The following TRIM71 variants were observed in gnomAD, a reference collection of about 807,000 sequenced individuals.
TRIM71 encodes E3 ubiquitin-protein ligase TRIM71.
A neutral mutation model predicts 61.2 loss-of-function variants in TRIM71; 9 were observed. The ratio of observed to expected loss-of-function variants is 0.15; its 90% CI spans 0.09 to 0.26. The LOEUF is 0.26. Ranked by LOEUF, TRIM71 falls within the 10% of genes least tolerant of loss-of-function variation. The pLI is 1.00. For synonymous variants in TRIM71, 645 were observed against 553.2 expected, an observed-to-expected ratio of 1.17 and a Z score of -2.33; for missense variants, 998 against 1,238.7, an observed-to-expected ratio of 0.81 and a Z score of 2.92.
chr3:32,822,509 C>T (rs1375901333), intron 1 of TRIM71, among the ~76,000 whole-genome samples: 1 of 152,110 alleles, frequency 6.6e-6, no homozygotes, highest in Non-Finnish European at 1.5e-5. Context: ...CTAAAATAAT[C>T]GGTTGCTGTG....
intron 1 of TRIM71, among the ~76,000 whole-genome samples, chr3:32,821,643 C>A (rs1013646495): frequency 3.3e-5 from 5 of 152,166 alleles, no homozygotes; most frequent in South Asian, 2.1e-4. Context: ...GGGCTTTTCA[C>A]TAGTTCTGTG....
chr3:32,878,670 A>G (rs993968025), intron 2 of TRIM71, among the ~76,000 whole-genome samples: 1 of 152,270 alleles, frequency 6.6e-6, no homozygotes. Context: ...AAACCATGCT[A>G]CAAACAGACA....
In TRIM71 at chr3:32,864,892, G is replaced by GTC. The variant is rs1238840438; in HGVS notation, c.853-8925_853-8924insCT. Among the ~76,000 whole-genome samples the GTC allele has an allele frequency of 5.0e-5, 7 of 140,584 alleles. No homozygotes were observed. In the East Asian group the frequency reaches 1.3e-3, roughly 26 times the overall value. The allele number at this position is 140,584 out of a possible 152,430, so 92.2% of individuals were successfully genotyped here. A position where few individuals can be genotyped will look rare whatever the true frequency, so the allele number is the denominator to read the frequency against. ...TGTGTGTGTGTGTGTGTGTGTGTGT[G>GTC]TTCACAAAGGTCTGGAGAAGTGCTA... On this transcript the variant is annotated intron_variant, in intron 1 of 3. Coordinates refer to ENST00000383763, the MANE Select transcript of TRIM71 (RefSeq NM_001039111.3).
rs1696093469 is a variant in TRIM71 at position 32,818,785 on chromosome 3, C to G, written c.705C>G (p.Asp235Glu). ...ACCAGCGCGTGCGCCTCACCAAGGA[C>G]CACTACATCGAGCGCGGCCCGCCGG... The part of the protein sequence containing the change: ...RAHQRVRLTK[D>E]HYIERGPPGP... Residue 235 changes from aspartate (D) to glutamate (E), a missense_variant, in exon 1 of 4, where the codon GAC becomes GAG. By Grantham distance (45) the Asp-to-Glu change is conservative (BLOSUM62 2). Coordinates refer to ENST00000383763, the MANE Select transcript of TRIM71 (RefSeq NM_001039111.3). 1.2e-6 allele frequency: 2 copies of G among 1,608,440 alleles called. No homozygotes were observed. The highest frequency in any genetic ancestry group is 1.7e-6 in the Non-Finnish European group (2 of 1,178,364).
chr3:32,873,900 T>C lies in TRIM71; in HGVS notation c.935T>C (p.Ile312Thr). Residue 312 changes from isoleucine to threonine, a missense_variant, in exon 2 of 4, where the codon ATC becomes ACC. Ile to Thr is a moderately conservative substitution (Grantham distance 89). This residue lies in a region of TRIM71 where 291 missense variants were observed against 431.2 expected (regional missense o/e 0.67). Coordinates refer to ENST00000383763, the MANE Select transcript of TRIM71 (RefSeq NM_001039111.3). Reference sequence around the variant, plus strand: ...GGCCGGCATGGGGGCCACAGCTTCATCTACCTCCAGGAGGCACTGCAGGAC... The same window carrying C: ...GGCCGGCATGGGGGCCACAGCTTCACCTACCTCCAGGAGGCACTGCAGGAC... ...TMGRHGGHSF[I>T]YLQEALQDSR... 1 of 1,614,004 alleles carries C rather than the reference T, an allele frequency of 6.2e-7. No homozygotes were observed.
intron 1 of TRIM71, among the ~76,000 whole-genome samples, chr3:32,825,928 C>T (rs1012955768): frequency 3.3e-5 from 5 of 152,034 alleles, no homozygotes; most frequent in African/African-American, 1.2e-4. Flanking sequence ...TGACTGAAAC[C>T]AGATTGACTG....
chr3:32,843,967 TAG>T (rs368299874), intron 1 of TRIM71, among the ~76,000 whole-genome samples: 223 of 152,278 alleles, frequency 1.5e-3, no homozygotes, highest in African/African-American at 5.2e-3. Context: ...TTTTTCTGGT[TAG>T]AGTCTCAAGA....
intron 1 of TRIM71, among the ~76,000 whole-genome samples, chr3:32,849,067 C>G (rs954305313): frequency 6.6e-6 from 1 of 152,028 alleles, no homozygotes; most frequent in African/African-American, 2.4e-5. Flanking sequence ...GTCAGGGGAG[C>G]CTTAAGCTGG....
At chr3:32,888,941 T>C (rs1696992916) in intron 3 of TRIM71, among the ~76,000 whole-genome samples, 1 of 152,216 alleles carries the variant, frequency 6.6e-6, no homozygotes, top group South Asian at 2.1e-4. Flanking sequence ...TTTGCTGAGA[T>C]AGCTCTCCCT....
rs923780999 is a variant in TRIM71 at position 32,889,559 on chromosome 3, A to T, written c.1156-801A>T. Among the ~76,000 whole-genome samples the T allele has an allele frequency of 6.4e-5, 9 of 139,604 alleles. No homozygotes were observed. The East Asian group carries it at 8.3e-4, about 13-fold the overall frequency. 91.6% of individuals were successfully genotyped at this position (139,604 alleles called of 152,430 possible). On this transcript the variant is annotated intron_variant, in intron 3 of 3. Transcript: ENST00000383763. ...TTACTGATTATGTACGTTTTGTCCCAATTATTATTATTATTATTATTATTA... is the reference window on the plus strand; with the variant it reads ...TTACTGATTATGTACGTTTTGTCCCTATTATTATTATTATTATTATTATTA...
chr3:32,860,373 C>T (rs1189166093), intron 1 of TRIM71, among the ~76,000 whole-genome samples: 1 of 152,068 alleles, frequency 6.6e-6, no homozygotes, highest in African/African-American at 2.4e-5. Context: ...CCAGGCCGGT[C>T]TCGAACTCCT....
chr3:32,852,160 G>A (rs1199608425), intron 1 of TRIM71, among the ~76,000 whole-genome samples: 1 of 152,200 alleles, frequency 6.6e-6, no homozygotes, highest in Non-Finnish European at 1.5e-5. Flanking sequence ...GATTCCCTGG[G>A]GGGTAGCCTT....
At chr3:32,829,626 T>TGTGTGTGTGTG (rs1553643445) in intron 1 of TRIM71, among the ~76,000 whole-genome samples, 1 of 148,680 alleles carries the variant, frequency 6.7e-6, no homozygotes, top group Non-Finnish European at 1.5e-5. Context: ...TGTCATGGTA[T>TGTGTGTGTGTG]TGTGTGTGTG....
chr3:32,833,235 A>G (rs980483885), intron 1 of TRIM71, among the ~76,000 whole-genome samples: 1 of 146,924 alleles, frequency 6.8e-6, no homozygotes, highest in East Asian at 2.2e-4. Flanking sequence ...TTTGTTCCCA[A>G]ACCTGTTGAT....
At chr3:32,821,974 C>T (rs1243303890) in intron 1 of TRIM71, among the ~76,000 whole-genome samples, 1 of 152,112 alleles carries the variant, frequency 6.6e-6, no homozygotes, top group Non-Finnish European at 1.5e-5. Flanking sequence ...AAGAGTTTCA[C>T]AACTAGGGAG....
chr3:32,831,494 G>T (rs1251845112), intron 1 of TRIM71, among the ~76,000 whole-genome samples: 1 of 150,276 alleles, frequency 6.7e-6, no homozygotes, highest in Non-Finnish European at 1.5e-5. Flanking sequence ...CAGCCAAACA[G>T]CTAGTTTCTT....
At chr3:32,829,626 T>TTGTGTGTGTGTGTGTGTGTGTGTGTG (rs10524029) in intron 1 of TRIM71, among the ~76,000 whole-genome samples, 3 of 148,786 alleles carry the variant, frequency 2.0e-5, no homozygotes, top group East Asian at 4.0e-4. Context: ...TGTCATGGTA[T>TTGTGTGTGTGTGTGTGTGTGTGTGTG]TGTGTGTGTG....
Position 32,890,272 on chromosome 3 carries a change from T to C in TRIM71, c.1156-88T>C, listed in dbSNP as rs777007394. The C allele has an allele frequency of 1.2e-5, 18 of 1,487,260 alleles. No homozygotes were observed. The highest frequency in any genetic ancestry group is 1.4e-5 in the Non-Finnish European group (16 of 1,104,732). The allele number at this position is 1,487,260 out of a possible 1,614,324, so 92.1% of individuals were successfully genotyped here. A position where few individuals can be genotyped will look rare whatever the true frequency, so the allele number is the denominator to read the frequency against. ...CCACAATATGTGTTTGTCTGATGCT[T>C]CCTTGTGATTAGTTGTGGCTTATGT... On this transcript the variant is annotated intron_variant, in intron 3 of 3. Transcript: ENST00000383763. This position sits in a 1 kb window ranked among gnomAD's most constrained non-coding sequence, Gnocchi z 6.2.
rs76924177 is a variant in TRIM71, at chr3:32,829,733, A to C, written c.852+10801A>C. Among the ~76,000 whole-genome samples the C allele has an allele frequency of 2.5e-3, 387 of 152,100 alleles. 3 individuals carry two copies. Among genetic ancestry groups the C allele is most frequent in the African/African-American group, 9.1e-3 (376 of 41,484 alleles). ...GAAAGGCCTTAAGTCTTCATAGAAGAAGCTTCTCCATTACAAATGGGAATG... is the reference window on the plus strand; with the variant it reads ...GAAAGGCCTTAAGTCTTCATAGAAGCAGCTTCTCCATTACAAATGGGAATG... On this transcript the variant is annotated intron_variant, in intron 1 of 3. Transcript: ENST00000383763.
Sources: gnomAD v4.1 joint callset for allele counts (sites outside exome capture counted in the v4.1 genomes callset) on GRCh38, gnomAD v4.1.1 for gene constraint, gnomAD v4.1.1 regional missense constraint, Gnocchi (gnomAD v3.1) non-coding constraint, MANE v1.5 for transcripts, NCBI Gene and HGNC (gene_info 2026-07-23, HGNC 2026-07-21) for gene names.